Variants in MTERF4 observed in about 807,000 individuals in gnomAD.
The protein encoded by MTERF4 is mitochondrial transcription termination factor 4.
Under a neutral mutation model 22.5 loss-of-function variants are expected in MTERF4, and 17 were observed. That is an observed-to-expected ratio of 0.75 (90% CI 0.52 to 1.13). The LOEUF (loss-of-function observed/expected upper bound fraction) is 1.13. MTERF4 is among the 50% of genes most tolerant of loss of function. MTERF4 has a pLI of 0.00. For synonymous variants in MTERF4, 165 were observed against 175.3 expected (o/e 0.94, Z 0.47); for missense variants, 420 against 466.8 (o/e 0.90, Z 0.92).
downstream of MTERF4, chr2:241,087,542 G>C (rs548591340): frequency 6.4e-5 from 98 of 1,532,850 alleles, no homozygotes; most frequent in African/African-American, 1.1e-3. Flanking sequence ...GGCAAGGGCG[G>C]GGTGCTATGG....
the MTERF4 span, chr2:241,063,002 C>T: frequency 2.7e-6 from 2 of 742,190 alleles, no homozygotes; most frequent in Non-Finnish European, 4.3e-6. Flanking sequence ...TCTGGATGGC[C>T]AGGGTGGCCA....
chr2:241,100,942 A>G (rs1435844177), intron 1 of MTERF4, among the ~76,000 whole-genome samples: 1 of 152,182 alleles, frequency 6.6e-6, no homozygotes, highest in African/African-American at 2.4e-5. Flanking sequence ...AAAAGTCTTC[A>G]GTGGTTCAGG....
chr2:241,073,152 C>A lies in MTERF4; in HGVS notation n.3010G>T. 1.3e-6 allele frequency: 1 copy of A among 741,644 alleles called. No homozygotes were observed. The highest frequency in any genetic ancestry group is 2.2e-6 in the Non-Finnish European group (1 of 451,598). The allele number at this position is 741,644 out of a possible 1,614,324, so 45.9% of individuals were successfully genotyped here. ...CTGGGGCCACGCAGGGAGCCTGGTC[C>A]CCACCAGGGACATCCGTGCTCCCTG... On this transcript the variant is annotated non_coding_transcript_exon_variant, in exon 5 of 5. Coordinates refer to the MTERF4 transcript ENST00000464344. The surrounding 1 kb of genome is among the most constrained non-coding windows in gnomAD (Gnocchi z 6.6).
chr2:241,067,845 G>A (rs774944493), downstream of MTERF4: 17 of 1,613,294 alleles, frequency 1.1e-5, no homozygotes, highest in Middle Eastern at 1.6e-4. Context: ...CACAGGATCC[G>A]CCATGCCACC....
downstream of MTERF4, chr2:241,095,352 C>T (rs537461258): frequency 1.3e-5 from 2 of 153,046 alleles, no homozygotes; most frequent in African/African-American, 4.8e-5. Context: ...ACAGGAAGGG[C>T]CTGTTCTTCA....
At chr2:241,090,219 T>C (rs1279866159), downstream of MTERF4, 8 of 1,483,704 alleles carry the variant, frequency 5.4e-6, no homozygotes, top group Non-Finnish European at 7.2e-6. Flanking sequence ...TAATTGTTTT[T>C]TACTATTTAA....
downstream of MTERF4, chr2:241,092,372 C>A (rs2064085774): frequency 1.3e-5 from 2 of 152,166 alleles, no homozygotes; most frequent in East Asian, 1.9e-4. The surrounding 1 kb of genome is among the most constrained non-coding windows in gnomAD (Gnocchi z 4.6). Flanking sequence ...GCAGACACAG[C>A]CACAGGCATG....
the MTERF4 span, chr2:241,049,985 G>T: frequency 7.5e-7 from 1 of 1,327,864 alleles, no homozygotes; most frequent in Admixed American, 1.7e-5. Context: ...GAGAGCGCCC[G>T]CGGTCCGCCG....
chr2:241,046,064 CTT>C, the MTERF4 span, among the ~76,000 whole-genome samples: 2 of 152,146 alleles, frequency 1.3e-5, no homozygotes, highest in African/African-American at 2.4e-5. Flanking sequence ...GAAAAATACT[CTT>C]GTCATTAATA....
chr2:241,071,272 T>C, downstream of MTERF4: 1 of 466,612 alleles, frequency 2.1e-6, no homozygotes, highest in Non-Finnish European at 3.9e-6. Context: ...GCCCAGCCCC[T>C]TGAGAACTTG....
chr2:241,066,355 C>A, the MTERF4 span, among the ~76,000 whole-genome samples: 1 of 152,176 alleles, frequency 6.6e-6, no homozygotes, highest in East Asian at 1.9e-4. Flanking sequence ...GAGAAAGGAG[C>A]CCTAGAACAT....
the MTERF4 span, chr2:241,062,751 C>A: frequency 7.2e-7 from 1 of 1,397,438 alleles, no homozygotes; most frequent in South Asian, 1.2e-5. Flanking sequence ...TTGGCTTAAT[C>A]GTGGCCACAT....
the MTERF4 span, among the ~76,000 whole-genome samples, chr2:241,042,921 G>C: frequency 5.9e-5 from 9 of 152,162 alleles, no homozygotes; most frequent in African/African-American, 1.9e-4. Context: ...GGAGGATGGA[G>C]AACAGTATCA....
downstream of MTERF4, chr2:241,089,261 GC>G (rs1212443917): frequency 2.6e-6 from 4 of 1,533,190 alleles, no homozygotes; most frequent in Non-Finnish European, 3.5e-6. Context: ...TGCTCTTCCT[GC>G]CCCTTATAGG....
At chr2:241,051,624 G>C in the MTERF4 span, 1 of 788,512 alleles carries the variant, frequency 1.3e-6, no homozygotes. This position sits in a 1 kb window ranked among gnomAD's most constrained non-coding sequence, Gnocchi z 4.7. Flanking sequence ...CCAGGCCCCA[G>C]GGCTTCGTCG....
intron 4 of MTERF4, among the ~76,000 whole-genome samples, chr2:241,076,268 G>A (rs919046202): frequency 2.0e-5 from 3 of 152,194 alleles, no homozygotes; most frequent in Middle Eastern, 3.4e-3. Context: ...CTATATCCAT[G>A]GACATGGGAT....
exon 5 of MTERF4, chr2:241,072,528 A>G (rs2062782731): frequency 3.0e-6 from 1 of 330,246 alleles, no homozygotes. Flanking sequence ...GAACTCCCCA[A>G]CAGAGCCTAG....
chr2:241,056,271 A>C, the MTERF4 span, among the ~76,000 whole-genome samples: 4 of 152,274 alleles, frequency 2.6e-5, no homozygotes, highest in Admixed American at 1.3e-4. Context: ...GAAATGAATA[A>C]ATTGTTTTAT....
intron 4 of MTERF4, among the ~76,000 whole-genome samples, chr2:241,078,060 G>C (rs1268896909): frequency 6.6e-6 from 1 of 152,176 alleles, no homozygotes; most frequent in Non-Finnish European, 1.5e-5. Context: ...AAGCCAGAAA[G>C]TAGAAACCAC....
Sources: gnomAD v4.1 joint callset for allele counts (sites outside exome capture counted in the v4.1 genomes callset) on GRCh38, gnomAD v4.1.1 for gene constraint, Gnocchi (gnomAD v3.1) non-coding constraint, MANE v1.5 for transcripts, NCBI Gene and HGNC (gene_info 2026-07-23, HGNC 2026-07-21) for gene names.